STK32A: variants seen among roughly 807,000 people sequenced by gnomAD.
STK32A encodes serine/threonine kinase 32A, also known as serine/threonine-protein kinase 32A.
Under a neutral mutation model 53.2 loss-of-function variants are expected in STK32A, and 41 were observed. The observed-to-expected ratio is 0.77, with a 90% CI of 0.60 to 1.00. The LOEUF is 1.00. Among genes scored for constraint, STK32A ranks in the 50% least tolerant of loss-of-function variants. STK32A has a pLI of 0.00. For missense variants in STK32A, 458 were observed against 485.8 expected, an observed-to-expected ratio of 0.94 and a Z score of 0.54; for synonymous variants, 166 against 162.8, an observed-to-expected ratio of 1.02 and a Z score of -0.15.
intron 2 of STK32A, among the ~76,000 whole-genome samples, chr5:147,276,736 T>G (rs1755277537): frequency 6.6e-6 from 1 of 152,182 alleles, no homozygotes; most frequent in South Asian, 2.1e-4. Context: ...TCAAGGAGTT[T>G]CAGAAGAGAA....
rs546509090 is a variant in STK32A at position 147,365,166 on chromosome 5, C to G, written c.660+3552C>G. Among the ~76,000 whole-genome samples the G allele has an allele frequency of 1.6e-4, 24 of 152,234 alleles. No individual in the cohort carries two copies. In the South Asian group the frequency reaches 4.6e-3, roughly 29 times the overall value. ...GTAATTAACCTATTCACAGTAAGAA[C>G]AGTTGTTAGAAGTTGGGGTTATTTC... On this transcript the variant is annotated intron_variant, in intron 8 of 12. Coordinates refer to ENST00000397936, the MANE Select transcript of STK32A (RefSeq NM_001112724.2).
chr5:147,252,236 TATG>T (rs1754030863), intron 2 of STK32A, among the ~76,000 whole-genome samples: 1 of 151,962 alleles, frequency 6.6e-6, no homozygotes, highest in African/African-American at 2.4e-5. Context: ...ACTTAATTAA[TATG>T]ATACCTTGTG....
rs10590732 is a variant in STK32A at position 147,271,000 on chromosome 5, ATT to A, written c.53-7110_53-7109del. Among the ~76,000 whole-genome samples the A allele has an allele frequency of 3.9e-4, 58 of 148,578 alleles. No homozygotes were observed. In the East Asian group the frequency reaches 4.2e-3, roughly 11 times the overall value. On this transcript the variant is annotated intron_variant, in intron 2 of 12. Coordinates refer to ENST00000397936, the MANE Select transcript of STK32A (RefSeq NM_001112724.2). ...AAAGTAGTTTTGGTAATCATAGATA[ATT>A]TTTTTTTTTTTTTGACGGTGTCTTG...
chr5:147,346,510 A>G (rs1242200514), intron 6 of STK32A, among the ~76,000 whole-genome samples: 2 of 152,232 alleles, frequency 1.3e-5, no homozygotes, highest in South Asian at 2.1e-4. Context: ...AAAGGAGCCA[A>G]TTGTACAATG....
intron 4 of STK32A, among the ~76,000 whole-genome samples, chr5:147,300,857 A>G (rs2151965958): frequency 6.6e-6 from 1 of 152,342 alleles, no homozygotes; most frequent in African/African-American, 2.4e-5. Flanking sequence ...TGACAGTGAT[A>G]AGAATATGTA....
chr5:147,373,043 A>C (rs777610853), intron 9 of STK32A, 126 bp from the exon 10 acceptor site: 127 of 1,120,358 alleles, frequency 1.1e-4, no homozygotes, highest in Admixed American at 1.3e-4. Flanking sequence ...TTATGGGATT[A>C]GGGATAGGGG....
chr5:147,393,435 A>G, the STK32A span: 1 of 152,508 alleles, frequency 6.6e-6, no homozygotes. Context: ...GACGTGACAA[A>G]GAACAGAACC....
intron 4 of STK32A, among the ~76,000 whole-genome samples, chr5:147,298,186 A>T (rs1752958136): frequency 6.6e-6 from 1 of 152,174 alleles, no homozygotes; most frequent in Non-Finnish European, 1.5e-5. Context: ...GCAGAAAGGG[A>T]TGAGTTTAGA....
At chr5:147,318,753 A>G (rs1754143026) in intron 4 of STK32A, among the ~76,000 whole-genome samples, 1 of 148,298 alleles carries the variant, frequency 6.7e-6, no homozygotes, top group Admixed American at 6.8e-5. Context: ...TGCAGCCTGG[A>G]TGACACAGTG....
the STK32A span, among the ~76,000 whole-genome samples, chr5:147,395,306 G>A: frequency 3.3e-5 from 5 of 152,210 alleles, no homozygotes; most frequent in Admixed American, 6.5e-5. Flanking sequence ...AACCAGGGCT[G>A]ATCTCTAGGC....
intron 6 of STK32A, among the ~76,000 whole-genome samples, chr5:147,343,540 CAGA>C (rs1346756411): frequency 2.6e-5 from 4 of 152,322 alleles, no homozygotes; most frequent in South Asian, 2.1e-4. Context: ...CTTAATATCA[CAGA>C]AGAATTCTTA....
At chr5:147,337,771 C>CAGGAATTG in intron 5 of STK32A, among the ~76,000 whole-genome samples, 1 of 151,950 alleles carries the variant, frequency 6.6e-6, no homozygotes, top group East Asian at 1.9e-4. Flanking sequence ...GAACTATGGG[C>CAGGAATTG]AGGAATTGAG....
At chr5:147,392,945 C>T in the STK32A span, 3 of 152,202 alleles carry the variant, frequency 2.0e-5, no homozygotes, top group Non-Finnish European at 4.4e-5. Context: ...TTAGGGAACA[C>T]CTAATAAAAC....
chr5:147,368,639 A>G (rs1429482926), intron 8 of STK32A, among the ~76,000 whole-genome samples: 1 of 152,202 alleles, frequency 6.6e-6, no homozygotes, highest in African/African-American at 2.4e-5. Context: ...CAATTCTGGT[A>G]GTTGATTAAT....
chr5:147,379,899 C>G (rs1327675889), intron 11 of STK32A, among the ~76,000 whole-genome samples: 3 of 152,140 alleles, frequency 2.0e-5, no homozygotes, highest in Non-Finnish European at 4.4e-5. Flanking sequence ...TCCCTCCATT[C>G]TTTTTTCTTA....
At position 147,384,697 on chromosome 5, in the gene STK32A, G is replaced by GT. The variant is rs781193324; in HGVS notation, c.*720dup. ...ACACCACGGAAACTGGTAAATGCTC[G>GT]TTTTTTCCCTCCTAACAAGTGAATT... is the stretch of plus-strand genomic sequence containing the variant. On this transcript the variant is annotated 3_prime_UTR_variant, in exon 13 of 13. Coordinates refer to ENST00000397936, the MANE Select transcript of STK32A (RefSeq NM_001112724.2). The GT allele has an allele frequency of 5.2e-6, 2 of 382,592 alleles. No individual in the cohort carries two copies. Among genetic ancestry groups the GT allele is most frequent in the South Asian group, 7.1e-5 (1 of 14,074 alleles). The allele number at this position is 382,592 out of a possible 1,614,324, so 23.7% of individuals were successfully genotyped here.
At chr5:147,400,206 C>T in the STK32A span, among the ~76,000 whole-genome samples, 1 of 152,132 alleles carries the variant, frequency 6.6e-6, no homozygotes, top group African/African-American at 2.4e-5. Flanking sequence ...ATAAAACAGG[C>T]CACTTGCCAG....
chr5:147,270,873 A>C (rs1205391887), intron 2 of STK32A, among the ~76,000 whole-genome samples: 1 of 152,246 alleles, frequency 6.6e-6, no homozygotes, highest in Non-Finnish European at 1.5e-5. Flanking sequence ...GAGCCAGTTA[A>C]TAATATCTGT....
At chr5:147,256,810 C>T (rs966590411) in intron 2 of STK32A, among the ~76,000 whole-genome samples, 2 of 152,100 alleles carry the variant, frequency 1.3e-5, no homozygotes, top group African/African-American at 4.8e-5. Flanking sequence ...CCGAGCCTGA[C>T]CTGTTTTAAG....
Sources: gnomAD v4.1 joint callset for allele counts (sites outside exome capture counted in the v4.1 genomes callset) on GRCh38, gnomAD v4.1.1 for gene constraint, MANE v1.5 for transcripts, NCBI Gene and HGNC (gene_info 2026-07-23, HGNC 2026-07-21) for gene names.